Variants in CSMD2 observed in about 807,000 individuals in gnomAD.
The protein encoded by CSMD2 is CUB and Sushi multiple domains 2.
In CSMD2, 130 loss-of-function variants were observed where a neutral mutation model predicts 398.5. That is an observed-to-expected ratio of 0.33 (90% confidence interval 0.28 to 0.38). The LOEUF is 0.38. Ranked by LOEUF, CSMD2 falls within the 10% of genes least tolerant of loss-of-function variation. The probability of loss-of-function intolerance (pLI) is 1.00; values close to 1 mark genes in which losing one functional copy is unlikely to be tolerated. For missense variants in CSMD2, 3,829 were observed against 4,764.9 expected (o/e 0.80, Z 5.78); for synonymous variants, 1,828 against 1,908.5 (o/e 0.96, Z 1.10).
intron 57 of CSMD2, among the ~76,000 whole-genome samples, chr1:33,545,580 G>A (rs1311239336): frequency 6.6e-6 from 1 of 152,110 alleles, no homozygotes; most frequent in Non-Finnish European, 1.5e-5. Flanking sequence ...TTCTCTATAA[G>A]AGCATTAATC....
chr1:33,836,965 G>C (rs1660352066), intron 6 of CSMD2, among the ~76,000 whole-genome samples: 1 of 152,218 alleles, frequency 6.6e-6, no homozygotes, highest in South Asian at 2.1e-4. Context: ...CACGCTGGGA[G>C]CTGTAGACTG....
intron 2 of CSMD2, among the ~76,000 whole-genome samples, chr1:34,042,609 T>C (rs950516643): frequency 3.3e-5 from 5 of 152,202 alleles, no homozygotes; most frequent in Non-Finnish European, 4.4e-5. Context: ...ACTGGTTCCC[T>C]AGGCCTCAAG....
At chr1:33,864,266 C>T (rs749404327) in intron 5 of CSMD2, 97 of 1,613,612 alleles carry the variant, frequency 6.0e-5, no homozygotes, top group Non-Finnish European at 7.9e-5. Flanking sequence ...ATTACAGAAA[C>T]AAATTCAAGG....
At chr1:33,954,295 C>T (rs1442418060) in intron 3 of CSMD2, among the ~76,000 whole-genome samples, 3 of 152,106 alleles carry the variant, frequency 2.0e-5, no homozygotes, top group Non-Finnish European at 2.9e-5. Flanking sequence ...CTAAACTTGA[C>T]TGCCTTCCAC....
intron 15 of CSMD2, among the ~76,000 whole-genome samples, chr1:33,735,089 C>T (rs756245128): frequency 5.9e-5 from 9 of 152,130 alleles, no homozygotes; most frequent in African/African-American, 1.9e-4. Context: ...TCCTGCTTTT[C>T]GTTCTATTTG....
intron 12 of CSMD2, among the ~76,000 whole-genome samples, chr1:33,781,626 C>T (rs1204330072): frequency 6.6e-6 from 1 of 152,220 alleles, no homozygotes; most frequent in Non-Finnish European, 1.5e-5. Flanking sequence ...CTGGGCCAGC[C>T]TCCCAGACTC....
chr1:33,986,575 T>C (rs1007945374), intron 3 of CSMD2, among the ~76,000 whole-genome samples: 2 of 152,226 alleles, frequency 1.3e-5, no homozygotes, highest in Non-Finnish European at 2.9e-5. Flanking sequence ...CATGCTTCCC[T>C]GCCAGGCCAT....
chr1:33,816,227 A>C (rs963736195), intron 9 of CSMD2, among the ~76,000 whole-genome samples: 2 of 152,232 alleles, frequency 1.3e-5, no homozygotes. Flanking sequence ...GCCACAAAGG[A>C]AAAATAATAT....
At chr1:33,595,704 C>T (rs1639793294) in intron 44 of CSMD2, among the ~76,000 whole-genome samples, 1 of 152,224 alleles carries the variant, frequency 6.6e-6, no homozygotes, top group African/African-American at 2.4e-5. Flanking sequence ...ATGTCTCCAT[C>T]ATGCCTTGGG....
At chr1:33,803,592 T>C (rs1655869498) in intron 10 of CSMD2, among the ~76,000 whole-genome samples, 1 of 152,182 alleles carries the variant, frequency 6.6e-6, no homozygotes, top group Non-Finnish European at 1.5e-5. Flanking sequence ...GGATACAATA[T>C]TGAATAAGAC....
chr1:33,581,364 A>T (rs1055410129), intron 47 of CSMD2, among the ~76,000 whole-genome samples: 20 of 148,352 alleles, frequency 1.3e-4, no homozygotes, highest in Non-Finnish European at 2.1e-4. Flanking sequence ...TAAAAAAAAA[A>T]AAAAAAAAAA....
chr1:33,646,914 G>A (rs1317142456), intron 28 of CSMD2, 79 bp from the exon 29 acceptor site: 4 of 1,393,802 alleles, frequency 2.9e-6, no homozygotes, highest in Non-Finnish European at 3.9e-6. Context: ...CTCAACCAAA[G>A]CATAGGGCCT....
chr1:33,839,025 A>G (rs1438821815), intron 6 of CSMD2: 1 of 152,312 alleles, frequency 6.6e-6, no homozygotes, highest in Non-Finnish European at 1.5e-5. Context: ...CTCCATTTAC[A>G]CAATGTCTGC....
intron 55 of CSMD2, among the ~76,000 whole-genome samples, chr1:33,555,351 G>T (rs1657857913): frequency 6.6e-6 from 1 of 152,194 alleles, no homozygotes; most frequent in African/African-American, 2.4e-5. Flanking sequence ...AAAGAAAGTG[G>T]TTTCCTGAGA....
intron 22 of CSMD2, 58 bp from the exon 23 acceptor site, chr1:33,700,731 C>T (rs918469387): frequency 1.9e-6 from 3 of 1,559,580 alleles, no homozygotes; most frequent in Admixed American, 3.4e-5. Context: ...TGTTGAACAA[C>T]ACCTCCTTAC....
intron 60 of CSMD2, among the ~76,000 whole-genome samples, chr1:33,538,972 G>A (rs1446984349): frequency 6.6e-6 from 1 of 152,002 alleles, no homozygotes; most frequent in Non-Finnish European, 1.5e-5. Flanking sequence ...GTAAAGAAAG[G>A]CATTTTTTTT....
chr1:33,537,725 CTG>C lies in CSMD2; in HGVS notation c.9632-118_9632-117del. 8.6e-7 allele frequency: 1 copy of C among 1,169,222 alleles called. No individual in the cohort carries two copies. The highest frequency in any genetic ancestry group is 2.6e-5 in the East Asian group (1 of 38,348). 72.4% of individuals were successfully genotyped at this position (1,169,222 alleles called of 1,614,324 possible). On this transcript the variant is annotated intron_variant, in intron 60 of 70. Transcript: ENST00000373381. This position sits in a 1 kb window ranked among gnomAD's most constrained non-coding sequence, Gnocchi z 4.6. ...CTCCCTTCCTGGTTGAGCTTGAACTCTGGGAACCGGGGCAGCCCCAGGTAGGT... is the reference window on the plus strand; with the variant it reads ...CTCCCTTCCTGGTTGAGCTTGAACTCGGAACCGGGGCAGCCCCAGGTAGGT...
chr1:33,685,844 GA>G (rs1001382767), intron 25 of CSMD2, among the ~76,000 whole-genome samples: 7 of 152,170 alleles, frequency 4.6e-5, no homozygotes, highest in Non-Finnish European at 8.8e-5. Flanking sequence ...ACTAGAATGT[GA>G]ACTCTTGGCA....
chr1:33,907,942 C>G (rs534187523), intron 5 of CSMD2, among the ~76,000 whole-genome samples: 310 of 152,062 alleles, frequency 2.0e-3, no homozygotes, highest in African/African-American at 7.2e-3. Context: ...CAAAAATTAG[C>G]TGGGCATGGT....
Sources: gnomAD v4.1 joint callset for allele counts (sites outside exome capture counted in the v4.1 genomes callset) on GRCh38, gnomAD v4.1.1 for gene constraint, Gnocchi (gnomAD v3.1) non-coding constraint, MANE v1.5 for transcripts, NCBI Gene and HGNC (gene_info 2026-07-23, HGNC 2026-07-21) for gene names.